Variants in TRHR observed in about 807,000 individuals in gnomAD.
The protein encoded by TRHR is thyrotropin releasing hormone receptor, also known as thyrotropin-releasing hormone receptor.
TRHR carries 14 observed loss-of-function variants against 28.0 expected under a neutral mutation model. The ratio of observed to expected loss-of-function variants is 0.50; its 90% CI spans 0.33 to 0.78. TRHR has a LOEUF of 0.78. Among genes scored for constraint, TRHR ranks in the 30% least tolerant of loss-of-function variants. TRHR has a pLI of 0.02. For missense variants in TRHR, 438 were observed against 469.5 expected (o/e 0.93, Z 0.62); for synonymous variants, 176 against 171.9 (o/e 1.02, Z -0.18).
chr8:109,118,715 A>C (rs904853932), intron 2 of TRHR, among the ~76,000 whole-genome samples: 3 of 151,864 alleles, frequency 2.0e-5, no homozygotes, highest in Non-Finnish European at 4.4e-5. Context: ...AGTCCTTAAC[A>C]ATATCCTTTA....
At position 109,087,995 on chromosome 8, in the gene TRHR, C is replaced by T. The variant is rs1437781539; in HGVS notation, c.483C>T (p.Phe161=). 1.9e-6 allele frequency: 3 copies of T among 1,614,048 alleles called. No individual in the cohort carries two copies. The highest frequency in any genetic ancestry group is 2.2e-5 in the East Asian group (1 of 44,882). The part of the protein sequence containing the change: ...AFTSLYCMLW[F]FLLDLNISTY... ...CATCTCTTTACTGTATGCTCTGGTTCTTCTTGCTGGATCTCAATATTAGCA... is the reference window on the plus strand; with the variant it reads ...CATCTCTTTACTGTATGCTCTGGTTTTTCTTGCTGGATCTCAATATTAGCA... The change falls in exon 2 of 3, where the codon TTC becomes TTT. Residue 161 remains phenylalanine (F), a synonymous_variant. Transcript: ENST00000518632.
At chr8:109,090,525 A>G (rs1177521143) in intron 2 of TRHR, among the ~76,000 whole-genome samples, 2 of 152,250 alleles carry the variant, frequency 1.3e-5, no homozygotes, top group Admixed American at 6.5e-5. Flanking sequence ...GCAAATACCA[A>G]TAACACCCTA....
chr8:109,103,568 A>G (rs1244866231), intron 2 of TRHR, among the ~76,000 whole-genome samples: 5 of 152,144 alleles, frequency 3.3e-5, no homozygotes, highest in African/African-American at 1.2e-4. Flanking sequence ...AAAGCCAGAA[A>G]GCCTTTCTCT....
intron 2 of TRHR, among the ~76,000 whole-genome samples, chr8:109,117,360 C>A (rs1285631783): frequency 2.0e-5 from 3 of 151,650 alleles, no homozygotes; most frequent in African/African-American, 7.3e-5. Context: ...TCTTCACATG[C>A]AAAATGAAAA....
chr8:109,095,692 A>G (rs920075865), intron 2 of TRHR, among the ~76,000 whole-genome samples: 4 of 152,168 alleles, frequency 2.6e-5, no homozygotes, highest in Non-Finnish European at 5.9e-5. Context: ...ACATCACATA[A>G]TTACACCAAA....
At chr8:109,089,628 G>C (rs1415855924) in intron 2 of TRHR, among the ~76,000 whole-genome samples, 1 of 152,060 alleles carries the variant, frequency 6.6e-6, no homozygotes, top group East Asian at 1.9e-4. Flanking sequence ...ACTATTGTCA[G>C]CTCTTAGATT....
At position 109,118,137 on chromosome 8, in the gene TRHR, T is replaced by A. The variant is rs1294479604; in HGVS notation, c.790-911T>A. On this transcript the variant is annotated intron_variant, in intron 2 of 2. Transcript: ENST00000518632. ...CAAAAGCTTTGAATTCAAGCTCACTTGGACAGTAATCCCAGCCCTGAGACT... is the reference window on the plus strand; with the variant it reads ...CAAAAGCTTTGAATTCAAGCTCACTAGGACAGTAATCCCAGCCCTGAGACT... Among the ~76,000 whole-genome samples, 9 of 151,920 alleles carry A rather than the reference T, an allele frequency of 5.9e-5. No individual in the cohort carries two copies. In the South Asian group the frequency reaches 6.2e-4, roughly 10 times the overall value.
intron 2 of TRHR, among the ~76,000 whole-genome samples, chr8:109,116,898 G>T (rs1811930716): frequency 1.3e-5 from 2 of 151,928 alleles, no homozygotes. Context: ...GAAATGTTTG[G>T]GAATGATGTC....
At chr8:109,109,788 T>C (rs1811802695) in intron 2 of TRHR, among the ~76,000 whole-genome samples, 1 of 151,982 alleles carries the variant, frequency 6.6e-6, no homozygotes, top group African/African-American at 2.4e-5. Context: ...TTTCCCACTC[T>C]TCATGTATGT....
intron 1 of TRHR, 99 bp downstream of exon 1, chr8:109,086,982 C>A: frequency 6.1e-6 from 1 of 163,644 alleles, no homozygotes; most frequent in Non-Finnish European, 1.3e-5. Context: ...ACATCTCACC[C>A]TCTGAGAGCA....
Position 109,119,243 on chromosome 8 carries a change from G to T in TRHR, c.985G>T (p.Ala329Ser), listed in dbSNP as rs565818393. The T allele has an allele frequency of 6.2e-7, 1 of 1,612,838 alleles. No homozygotes were observed. Among genetic ancestry groups the T allele is most frequent in the East Asian group, 2.2e-5 (1 of 44,806 alleles). The change falls in exon 3 of 3, where the codon GCA becomes TCA. Residue 329 changes from alanine (A) to serine (S), a missense_variant. Physicochemically the swap from Ala to Ser is moderately conservative, Grantham distance 99. Coordinates refer to ENST00000518632, the MANE Select transcript of TRHR (RefSeq NM_003301.7). ...IYNLMSQKFR[A>S]AFRKLCNCKQ... ...CAATCTCATGTCCCAGAAATTCCGT[G>T]CAGCCTTCAGAAAGCTCTGCAACTG...
intron 2 of TRHR, among the ~76,000 whole-genome samples, chr8:109,100,439 T>G (rs773458962): frequency 6.6e-6 from 1 of 150,816 alleles, no homozygotes; most frequent in Non-Finnish European, 1.5e-5. Flanking sequence ...TAAGCATGGT[T>G]TTTTTTTTGA....
chr8:109,116,548 G>A (rs569294180), intron 2 of TRHR, among the ~76,000 whole-genome samples: 2 of 152,102 alleles, frequency 1.3e-5, no homozygotes, highest in East Asian at 3.9e-4. Context: ...TATGTCTCCA[G>A]GAATTTATCC....
At chr8:109,112,073 C>T (rs1811843125) in intron 2 of TRHR, among the ~76,000 whole-genome samples, 1 of 152,146 alleles carries the variant, frequency 6.6e-6, no homozygotes, top group African/African-American at 2.4e-5. Context: ...CCAGTGTCTT[C>T]AGAGGCAGAA....
chr8:109,100,323 T>A (rs536290204), intron 2 of TRHR, among the ~76,000 whole-genome samples: 5 of 152,192 alleles, frequency 3.3e-5, no homozygotes, highest in Admixed American at 6.5e-5. Context: ...CTCCAGGGAT[T>A]TCTTTAGGAA....
intron 2 of TRHR, among the ~76,000 whole-genome samples, chr8:109,088,775 C>T (rs1290843703): frequency 6.6e-6 from 1 of 152,192 alleles, no homozygotes; most frequent in Non-Finnish European, 1.5e-5. Context: ...TGGTTACTCA[C>T]AATGGAGACA....
intron 2 of TRHR, among the ~76,000 whole-genome samples, chr8:109,098,507 C>T (rs190370686): frequency 6.6e-6 from 1 of 152,246 alleles, no homozygotes; most frequent in East Asian, 1.9e-4. Context: ...ATCTAAAATG[C>T]AAACTTGCTA....
chr8:109,109,311 C>G (rs1811794289), intron 2 of TRHR, among the ~76,000 whole-genome samples: 1 of 152,024 alleles, frequency 6.6e-6, no homozygotes, highest in Non-Finnish European at 1.5e-5. Flanking sequence ...ATGTTGGAGT[C>G]CAATATATCA....
chr8:109,118,611 T>C (rs897144780), intron 2 of TRHR, among the ~76,000 whole-genome samples: 14 of 151,840 alleles, frequency 9.2e-5, no homozygotes, highest in Non-Finnish European at 1.5e-5. Flanking sequence ...GCATCCACTG[T>C]ACCATTTGTC....
Sources: allele counts gnomAD v4.1 joint callset (sites outside exome capture counted in the v4.1 genomes callset), GRCh38; gene constraint gnomAD v4.1.1; transcripts MANE v1.5; gene names NCBI Gene and HGNC (gene_info 2026-07-23, HGNC 2026-07-21).